The following ITGA1 variants were observed in gnomAD, a reference collection of about 807,000 sequenced individuals.
ITGA1 encodes the protein integrin subunit alpha 1, also known as integrin alpha-1.
ITGA1 carries 85 observed loss-of-function variants against 145.9 expected under a neutral mutation model. That is an observed-to-expected ratio of 0.58 (90% CI 0.49 to 0.70). ITGA1 has a LOEUF of 0.70. ITGA1 is among the 30% of genes least tolerant of loss of function. The pLI is 0.00. For missense variants in ITGA1, 1,351 were observed against 1,418.7 expected (o/e 0.95, Z 0.77); for synonymous variants, 520 against 495.3 (o/e 1.05, Z -0.66).
chr5:52,864,967 A>G lies in ITGA1; in HGVS notation c.385-4A>G, dbSNP rs1749661685. ...ATTTCTAATTTTAAAACAATTTTTTAAAGGCTTGTGGGCCCTTATATGCCT... is the reference window on the plus strand; with the variant it reads ...ATTTCTAATTTTAAAACAATTTTTTGAAGGCTTGTGGGCCCTTATATGCCT... On this transcript the variant is annotated splice_region_variant and splice_polypyrimidine_tract_variant and intron_variant, in intron 4 of 28. Coordinates refer to ENST00000282588, the MANE Select transcript of ITGA1 (RefSeq NM_181501.2). The G allele has an allele frequency of 1.2e-6, 2 of 1,601,586 alleles. No individual in the cohort carries two copies. Among genetic ancestry groups the G allele is most frequent in the Admixed American group, 1.8e-5 (1 of 57,118 alleles).
At chr5:52,910,663 G>GTA (rs576097117) in intron 14 of ITGA1, among the ~76,000 whole-genome samples, 82 of 145,072 alleles carry the variant, frequency 5.7e-4, no homozygotes, top group Non-Finnish European at 8.6e-4. Flanking sequence ...TGTGTATATA[G>GTA]TATATATATA....
chr5:52,820,312 G>A (rs1396111004), intron 1 of ITGA1, among the ~76,000 whole-genome samples: 1 of 130,200 alleles, frequency 7.7e-6, no homozygotes, highest in Admixed American at 9.7e-5. Context: ...TCATAGGTGG[G>A]AATTAAACAA....
At chr5:52,822,195 A>G (rs1445071260) in intron 1 of ITGA1, among the ~76,000 whole-genome samples, 1 of 152,216 alleles carries the variant, frequency 6.6e-6, no homozygotes, top group Non-Finnish European at 1.5e-5. Context: ...TCCTTGAACA[A>G]TACTACAAGG....
At chr5:52,817,610 T>G (rs1249971936) in intron 1 of ITGA1, among the ~76,000 whole-genome samples, 1 of 152,208 alleles carries the variant, frequency 6.6e-6, no homozygotes, top group Non-Finnish European at 1.5e-5. Flanking sequence ...GCTAGAAGTC[T>G]GCAAAATTAT....
intron 1 of ITGA1, among the ~76,000 whole-genome samples, chr5:52,804,378 T>A (rs1407358861): frequency 6.6e-6 from 1 of 152,214 alleles, no homozygotes; most frequent in Non-Finnish European, 1.5e-5. Context: ...CTACGATACA[T>A]ATCAAATGAC....
rs1003559002 is a variant in ITGA1 at position 52,887,676 on chromosome 5, T to G, written c.774-139T>G. ...AACAAGGCTCATTATGCCTCCCAAC[T>G]TGAATGATGGGCATTGATGCTAATT... is the stretch of plus-strand genomic sequence containing the variant. On this transcript the variant is annotated intron_variant, in intron 7 of 28. Coordinates refer to ENST00000282588, the MANE Select transcript of ITGA1 (RefSeq NM_181501.2). 5.8e-6 allele frequency: 4 copies of G among 687,950 alleles called. No homozygotes were observed. The African/African-American group carries it at 7.2e-5, about 12-fold the overall frequency. The allele number at this position is 687,950 out of a possible 1,614,324, so 42.6% of individuals were successfully genotyped here.
chr5:52,799,329 C>A (rs1318464652), intron 1 of ITGA1, among the ~76,000 whole-genome samples: 1 of 152,198 alleles, frequency 6.6e-6, no homozygotes, highest in African/African-American at 2.4e-5. Flanking sequence ...TTTTTCCCCA[C>A]TTCCCATAGC....
chr5:52,940,100 A>C (rs1245842089), intron 26 of ITGA1, among the ~76,000 whole-genome samples, 156 bp downstream of exon 26: 2 of 152,300 alleles, frequency 1.3e-5, no homozygotes, highest in South Asian at 2.1e-4. Context: ...TTAACCAGCT[A>C]TGTGTGTCTC....
intron 1 of ITGA1, among the ~76,000 whole-genome samples, chr5:52,844,753 A>G (rs1384485710): frequency 6.6e-6 from 1 of 152,080 alleles, no homozygotes. Flanking sequence ...TATTTTTTCT[A>G]TATTGTCTCT....
chr5:52,801,379 T>C (rs1346480563), intron 1 of ITGA1: 3 of 1,566,646 alleles, frequency 1.9e-6, no homozygotes, highest in Non-Finnish European at 2.6e-6. Flanking sequence ...AGGAGATTAT[T>C]TTGCCTAACT....
At chr5:52,890,892 T>A (rs1391864349) in intron 8 of ITGA1, among the ~76,000 whole-genome samples, 1 of 152,176 alleles carries the variant, frequency 6.6e-6, no homozygotes, top group Admixed American at 6.5e-5. Context: ...CACTACTCTT[T>A]CCAGCCTTTG....
intron 1 of ITGA1, among the ~76,000 whole-genome samples, chr5:52,834,562 G>C (rs1749128293): frequency 6.8e-6 from 1 of 146,518 alleles, no homozygotes; most frequent in Non-Finnish European, 1.5e-5. Context: ...AAGAGAGAGA[G>C]AAAGAGAGAA....
intron 1 of ITGA1, among the ~76,000 whole-genome samples, chr5:52,818,609 C>G (rs1251390105): frequency 6.6e-6 from 1 of 152,144 alleles, no homozygotes; most frequent in African/African-American, 2.4e-5. Flanking sequence ...TTGGGTGATT[C>G]TTTTTCTCCA....
intron 8 of ITGA1, among the ~76,000 whole-genome samples, chr5:52,889,392 G>A (rs1030600930): frequency 6.6e-6 from 1 of 152,088 alleles, no homozygotes; most frequent in Admixed American, 6.5e-5. Context: ...GTGAGCCACC[G>A]TGCCCAGCCC....
At chr5:52,887,195 C>A (rs190587111) in intron 7 of ITGA1, among the ~76,000 whole-genome samples, 166 of 152,284 alleles carry the variant, frequency 1.1e-3, no homozygotes, top group African/African-American at 3.5e-3. Context: ...TAAAACCCAA[C>A]TGACTACTCC....
chr5:52,857,109 A>G (rs1183541932), intron 2 of ITGA1, among the ~76,000 whole-genome samples: 1 of 152,192 alleles, frequency 6.6e-6, no homozygotes, highest in Non-Finnish European at 1.5e-5. Flanking sequence ...GCTGCATTCT[A>G]TTCATCAAAA....
chr5:52,819,218 C>T (rs1290721424), intron 1 of ITGA1, among the ~76,000 whole-genome samples: 4 of 152,214 alleles, frequency 2.6e-5, no homozygotes, highest in Non-Finnish European at 5.9e-5. Context: ...TGAGGAATCA[C>T]CACACTGACT....
chr5:52,808,676 C>CTTTCTTTTTTTTTTTT (rs1554041033), intron 1 of ITGA1, among the ~76,000 whole-genome samples: 443 of 69,404 alleles, frequency 6.4e-3, no homozygotes, highest in African/African-American at 8.1e-3. Flanking sequence ...TTCTTTCTTT[C>CTTTCTTTTTTTTTTTT]TTTTTTTTTT....
intron 14 of ITGA1, among the ~76,000 whole-genome samples, chr5:52,911,587 GTATCTAC>G: frequency 1.6e-5 from 1 of 60,760 alleles, no homozygotes; most frequent in Non-Finnish European, 3.5e-5. Context: ...TATATATAGT[GTATCTAC>G]TATATATACT....
Sources: gnomAD v4.1 joint callset for allele counts (sites outside exome capture counted in the v4.1 genomes callset) on GRCh38, gnomAD v4.1.1 for gene constraint, MANE v1.5 for transcripts, NCBI Gene and HGNC (gene_info 2026-07-23, HGNC 2026-07-21) for gene names.